The following AHI1 variants were observed in gnomAD, a reference collection of about 807,000 sequenced individuals.
AHI1 encodes the protein Abelson helper integration site 1.
Under a neutral mutation model 149.3 loss-of-function variants are expected in AHI1, and 123 were observed. The ratio of observed to expected loss-of-function variants is 0.82; its 90% confidence interval spans 0.71 to 0.96. The LOEUF (loss-of-function observed/expected upper bound fraction) is 0.96. Among genes scored for constraint, AHI1 ranks in the 40% least tolerant of loss-of-function variants. AHI1 has a pLI of 0.00. For synonymous variants in AHI1, 475 were observed against 459.8 expected, an observed-to-expected ratio of 1.03 and a Z score of -0.42; for missense variants, 1,439 against 1,422.7, an observed-to-expected ratio of 1.01 and a Z score of -0.18.
chr6:135,339,996 G>A (rs562452598), intron 24 of AHI1, among the ~76,000 whole-genome samples: 22 of 152,238 alleles, frequency 1.4e-4, no homozygotes, highest in African/African-American at 2.6e-4. Context: ...AGAAGTTAGC[G>A]GGATGATGCT....
intron 23 of AHI1, among the ~76,000 whole-genome samples, chr6:135,365,058 C>A (rs910771736): frequency 4.9e-4 from 75 of 152,290 alleles, no homozygotes; most frequent in Non-Finnish European, 6.8e-4. Context: ...ATTATCCCAG[C>A]ACCATTTGTT....
chr6:135,325,619 AG>A (rs1787551645), intron 24 of AHI1, among the ~76,000 whole-genome samples: 1 of 152,230 alleles, frequency 6.6e-6, no homozygotes, highest in South Asian at 2.1e-4. Context: ...TCTAAAGTCA[AG>A]TAAACTAGTA....
intron 22 of AHI1, among the ~76,000 whole-genome samples, chr6:135,404,561 T>A (rs1356275534): frequency 6.6e-6 from 1 of 152,234 alleles, no homozygotes; most frequent in Non-Finnish European, 1.5e-5. Flanking sequence ...ATAAATCATT[T>A]ATGTACAGCT....
At chr6:135,459,597 T>C (rs1349388947) in intron 8 of AHI1, among the ~76,000 whole-genome samples, 1 of 152,012 alleles carries the variant, frequency 6.6e-6, no homozygotes, top group African/African-American at 2.4e-5. Context: ...ATCCTAAGGC[T>C]GATCAAGAAA....
chr6:135,408,028 C>A (rs1476920298), intron 21 of AHI1, among the ~76,000 whole-genome samples: 1 of 150,802 alleles, frequency 6.6e-6, no homozygotes, highest in African/African-American at 2.4e-5. Flanking sequence ...GAGTGAGATT[C>A]CGTCTCAAAA....
At position 135,457,556 on chromosome 6, in the gene AHI1, G is replaced by A; in HGVS notation, c.1089C>T (p.His363=). The part of the protein sequence containing the change: ...DRLKSDFMIS[H]PMVKIHVVDE... ...CAACCACATGAATTTTTACCATTGGGTGAGAAATCATAAAATCTGACTTAA... is the reference window on the plus strand; with the variant it reads ...CAACCACATGAATTTTTACCATTGGATGAGAAATCATAAAATCTGACTTAA... Residue 363 remains histidine (H), a synonymous_variant, in exon 9 of 29, where the codon CAC becomes CAT. Transcript: ENST00000265602. The A allele has an allele frequency of 1.2e-6, 2 of 1,613,870 alleles. No individual in the cohort carries two copies. The highest frequency in any genetic ancestry group is 1.1e-5 in the South Asian group (1 of 91,070).
At chr6:135,349,934 T>C (rs2128423608) in intron 24 of AHI1, among the ~76,000 whole-genome samples, 1 of 152,354 alleles carries the variant, frequency 6.6e-6, no homozygotes, top group South Asian at 2.1e-4. Context: ...ATCTTTCTCC[T>C]GCCTCATTCA....
intron 23 of AHI1, among the ~76,000 whole-genome samples, chr6:135,385,303 G>A (rs936897674): frequency 1.4e-4 from 21 of 152,020 alleles, no homozygotes; most frequent in African/African-American, 4.8e-4. Context: ...ATAAAACAGG[G>A]TCAAATTGCA....
chr6:135,286,075 T>C (rs959219341), intron 28 of AHI1, among the ~76,000 whole-genome samples: 1 of 152,244 alleles, frequency 6.6e-6, no homozygotes, highest in Non-Finnish European at 1.5e-5. Context: ...CAGATAATTT[T>C]ATTAAATAGC....
chr6:135,421,673 AT>A (rs2127995393), intron 20 of AHI1, among the ~76,000 whole-genome samples: 1 of 152,274 alleles, frequency 6.6e-6, no homozygotes, highest in African/African-American at 2.4e-5. Context: ...ATTAAAAAAA[AT>A]GTCTTAAAGA....
At chr6:135,370,383 T>C (rs1224391667) in intron 23 of AHI1, among the ~76,000 whole-genome samples, 4 of 152,246 alleles carry the variant, frequency 2.6e-5, no homozygotes, top group African/African-American at 9.6e-5. Flanking sequence ...CTGTCAGTGC[T>C]TAAGCTTCAA....
intron 4 of AHI1, 77 bp downstream of exon 4, chr6:135,492,151 A>T: frequency 1.8e-6 from 2 of 1,117,174 alleles, no homozygotes; most frequent in Non-Finnish European, 2.6e-6. Context: ...CTGTTCAAGA[A>T]TCCCTTAAAA....
At chr6:135,300,616 C>A in intron 26 of AHI1, 58 bp from the exon 27 acceptor site, 2 of 1,556,000 alleles carry the variant, frequency 1.3e-6, no homozygotes, top group South Asian at 2.4e-5. Context: ...ACAACACAGT[C>A]AATATTCACA....
Position 135,466,149 on chromosome 6 carries a change from TGTAGTCAACTGGGG to T in AHI1, c.400_413del (p.Pro134ThrfsTer9). ...CAGGAGTTTCCGGTTTCAGGTCTTG[TGTAGTCAACTGGGG>T]CACCGTCTTTATCACCTTTTTATTT... On this transcript the variant is annotated frameshift_variant, in exon 7 of 29. Transcript: ENST00000265602. LOFTEE classifies it high-confidence loss of function. 6.2e-7 allele frequency: 1 copy of T among 1,613,926 alleles called. No individual in the cohort carries two copies. Among genetic ancestry groups the T allele is most frequent in the Non-Finnish European group, 8.5e-7 (1 of 1,179,852 alleles).
At chr6:135,318,757 T>TA in intron 25 of AHI1, 141 bp from the exon 26 acceptor site, 1 of 512,790 alleles carries the variant, frequency 2.0e-6, no homozygotes, top group East Asian at 3.1e-5. Context: ...ACCTAAAACT[T>TA]ACTTGTTACG....
At chr6:135,372,760 T>C (rs920693921) in intron 23 of AHI1, among the ~76,000 whole-genome samples, 2 of 152,078 alleles carry the variant, frequency 1.3e-5, no homozygotes, top group Non-Finnish European at 2.9e-5. Context: ...TTTCAGAAAG[T>C]AAATTAGAAG....
At chr6:135,394,724 C>T (rs1378372422) in intron 23 of AHI1, 52 bp downstream of exon 23, 1 of 1,600,054 alleles carries the variant, frequency 6.2e-7, no homozygotes, top group Non-Finnish European at 8.5e-7. Context: ...TTCATCAACA[C>T]AACAAGCATC....
intron 23 of AHI1, among the ~76,000 whole-genome samples, chr6:135,363,757 C>T (rs1225973065): frequency 6.9e-5 from 10 of 144,786 alleles, no homozygotes; most frequent in Non-Finnish European, 1.2e-4. Flanking sequence ...GGCAGCTGGC[C>T]GGGCGGGGGT....
intron 10 of AHI1, among the ~76,000 whole-genome samples, chr6:135,453,950 C>A (rs562547355): frequency 6.6e-6 from 1 of 152,160 alleles, no homozygotes; most frequent in South Asian, 2.1e-4. Context: ...AACCAACCTG[C>A]CACAGAGATC....
Sources: allele counts gnomAD v4.1 joint callset (sites outside exome capture counted in the v4.1 genomes callset), GRCh38; gene constraint gnomAD v4.1.1; transcripts MANE v1.5; gene names NCBI Gene and HGNC (gene_info 2026-07-23, HGNC 2026-07-21).